CDH13: variants seen among roughly 807,000 people sequenced by gnomAD.
The protein encoded by CDH13 is cadherin 13.
In CDH13, 24 loss-of-function variants were observed where a neutral mutation model predicts 63.8. The observed-to-expected ratio is 0.38, with a 90% CI of 0.27 to 0.53. CDH13 has a LOEUF of 0.53. Ranked by LOEUF, CDH13 falls within the 20% of genes least tolerant of loss-of-function variation. The probability of loss-of-function intolerance (pLI) is 0.85; values close to 1 mark genes in which losing one functional copy is unlikely to be tolerated. For synonymous variants in CDH13, 503 were observed against 355.3 expected (o/e 1.42, Z -4.67); for missense variants, 1,049 against 903.1 (o/e 1.16, Z -2.07).
intron 7 of CDH13, among the ~76,000 whole-genome samples, chr16:83,500,843 G>C (rs1362716525): frequency 6.6e-6 from 1 of 151,958 alleles, no homozygotes; most frequent in African/African-American, 2.4e-5. Context: ...GCCTCCCAAA[G>C]TATTGGGATT....
At chr16:83,373,470 T>C (rs12599380) in intron 6 of CDH13, among the ~76,000 whole-genome samples, 20,822 of 152,010 alleles carry the variant, frequency 0.14, 2,124 homozygotes, top group African/African-American at 0.28. Flanking sequence ...AAGGAACCTA[T>C]GTACGAAGAC....
At chr16:83,039,159 T>A (rs1917122357) in intron 3 of CDH13, among the ~76,000 whole-genome samples, 1 of 152,234 alleles carries the variant, frequency 6.6e-6, no homozygotes, top group Non-Finnish European at 1.5e-5. Context: ...TACGCTTGGA[T>A]CCAGCTTCAC....
chr16:83,627,967 A>G (rs895933665), intron 8 of CDH13, among the ~76,000 whole-genome samples: 1 of 152,186 alleles, frequency 6.6e-6, no homozygotes, highest in Non-Finnish European at 1.5e-5. Context: ...CGTATAGGGT[A>G]ACTTCCTGAC....
chr16:83,377,970 T>C (rs1386796832), intron 6 of CDH13, among the ~76,000 whole-genome samples: 1 of 152,150 alleles, frequency 6.6e-6, no homozygotes, highest in African/African-American at 2.4e-5. Flanking sequence ...GAGTAGAAGA[T>C]GAATTTGCAT....
intron 8 of CDH13, among the ~76,000 whole-genome samples, chr16:83,651,736 C>T (rs1179289456): frequency 6.6e-6 from 1 of 151,434 alleles, no homozygotes. Flanking sequence ...GCTGGGATTA[C>T]AGGCGCCCAC....
At chr16:82,750,437 G>C (rs1260725331) in intron 1 of CDH13, among the ~76,000 whole-genome samples, 1 of 152,118 alleles carries the variant, frequency 6.6e-6, no homozygotes, top group Non-Finnish European at 1.5e-5. Flanking sequence ...TAGGGAGCTT[G>C]TTGGTTATTC....
chr16:83,223,663 A>G (rs1191613238), intron 5 of CDH13, among the ~76,000 whole-genome samples: 1 of 152,168 alleles, frequency 6.6e-6, no homozygotes. Flanking sequence ...ACTTCCATCC[A>G]GTCTCACGCT....
chr16:83,763,777 T>C (rs1914166846), intron 11 of CDH13, among the ~76,000 whole-genome samples: 1 of 152,154 alleles, frequency 6.6e-6, no homozygotes, highest in Non-Finnish European at 1.5e-5. Flanking sequence ...ATATCAGTCA[T>C]GTTGAAAATA....
rs552102458 is a variant in CDH13, at chr16:83,487,080, C to G, written c.960+425C>G. ...AGTCAAATGCCCATGACTCCTTTCT[C>G]CAACCCTTTGCTGCAGGCATCCTGC... On this transcript the variant is annotated intron_variant, in intron 7 of 13. Transcript: ENST00000567109. Among the ~76,000 whole-genome samples the G allele has an allele frequency of 4.6e-5, 7 of 152,228 alleles. No individual in the cohort carries two copies. The South Asian group carries it at 1.5e-3, about 32-fold the overall frequency.
At chr16:82,931,324 A>G (rs781038040) in intron 2 of CDH13, among the ~76,000 whole-genome samples, 6 of 152,208 alleles carry the variant, frequency 3.9e-5, no homozygotes, top group Non-Finnish European at 8.8e-5. Context: ...AAATGGTTAG[A>G]ATCACTGCTA....
intron 8 of CDH13, among the ~76,000 whole-genome samples, chr16:83,621,294 T>C (rs1598381061): frequency 6.6e-6 from 1 of 151,998 alleles, no homozygotes; most frequent in Non-Finnish European, 1.5e-5. Context: ...GCCCTTGGGG[T>C]CAGCTCTGTA....
chr16:83,674,900 A>G (rs1028788301), intron 9 of CDH13, among the ~76,000 whole-genome samples: 3 of 152,250 alleles, frequency 2.0e-5, no homozygotes, highest in African/African-American at 7.2e-5. Context: ...GGTAGTATCC[A>G]GAAAGCATCC....
In CDH13 at chr16:83,029,883, CAAAT is replaced by C. The variant is rs367902394; in HGVS notation, c.158-2124_158-2121del. The stretch of plus-strand genomic sequence containing the variant: ...ATGCTTCAATTAAAGGTTTACTAAA[CAAAT>C]AAGCCTGTTCAGCAGAGACCAAAAA... On this transcript the variant is annotated intron_variant, in intron 2 of 13. Transcript: ENST00000567109. Among the ~76,000 whole-genome samples the C allele has an allele frequency of 3.3e-3, 496 of 152,256 alleles. 5 individuals carry two copies. Among genetic ancestry groups the C allele is most frequent in the Middle Eastern group, 0.031 (9 of 294 alleles).
chr16:82,821,223 C>T (rs1241109754), intron 1 of CDH13, among the ~76,000 whole-genome samples: 1 of 152,090 alleles, frequency 6.6e-6, no homozygotes, highest in East Asian at 1.9e-4. Flanking sequence ...TTTTAAATTC[C>T]CTATAGGACC....
chr16:83,381,924 C>T lies in CDH13; in HGVS notation c.781+36918C>T, dbSNP rs533705443. ...CACCTTGCTGTCATTCTGTGCAGAG[C>T]TCTGCCTGTGCACTCCTTCCCTCAC... On this transcript the variant is annotated intron_variant, in intron 6 of 13. Coordinates refer to ENST00000567109, the MANE Select transcript of CDH13 (RefSeq NM_001257.5). Among the ~76,000 whole-genome samples the T allele has an allele frequency of 5.9e-5, 9 of 152,276 alleles. No individual in the cohort carries two copies. In the East Asian group the frequency reaches 1.5e-3, roughly 26 times the overall value.
chr16:83,612,947 A>T (rs1013551344), intron 8 of CDH13, among the ~76,000 whole-genome samples: 1 of 152,124 alleles, frequency 6.6e-6, no homozygotes, highest in Non-Finnish European at 1.5e-5. Flanking sequence ...TTCCCCTCTG[A>T]TTAAAAAATT....
intron 5 of CDH13, among the ~76,000 whole-genome samples, chr16:83,243,068 T>C (rs1335222296): frequency 1.3e-5 from 2 of 152,130 alleles, no homozygotes; most frequent in African/African-American, 4.8e-5. Context: ...TGGTGAGTAA[T>C]TGGTACAGCC....
At position 82,980,401 on chromosome 16, in the gene CDH13, A is replaced by G. The variant is rs549505148; in HGVS notation, c.158-51609A>G. Among the ~76,000 whole-genome samples, 6 of 152,336 alleles carry G rather than the reference A, an allele frequency of 3.9e-5. No homozygotes were observed. The South Asian group carries it at 1.2e-3, about 32-fold the overall frequency. ...GGTGGTGAAGGGAGGAGCTGGGTAAACAGAAGCTATCCAGCCTGGTTTTCA... is the reference window on the plus strand; with the variant it reads ...GGTGGTGAAGGGAGGAGCTGGGTAAGCAGAAGCTATCCAGCCTGGTTTTCA... On this transcript the variant is annotated intron_variant, in intron 2 of 13. Coordinates refer to ENST00000567109, the MANE Select transcript of CDH13 (RefSeq NM_001257.5).
chr16:82,812,268 A>T (rs1017375859), intron 1 of CDH13, among the ~76,000 whole-genome samples: 2 of 152,126 alleles, frequency 1.3e-5, no homozygotes, highest in African/African-American at 4.8e-5. Flanking sequence ...GGTCCAGAGG[A>T]GGGGCTGGGA....
Sources: allele counts gnomAD v4.1 joint callset (sites outside exome capture counted in the v4.1 genomes callset), GRCh38; gene constraint gnomAD v4.1.1; transcripts MANE v1.5; gene names NCBI Gene and HGNC (gene_info 2026-07-23, HGNC 2026-07-21).